Variants in TRMT9B observed in about 807,000 individuals in gnomAD.
TRMT9B encodes probable tRNA methyltransferase 9B.
Under a neutral mutation model 11.5 loss-of-function variants are expected in TRMT9B, and 16 were observed. The ratio of observed to expected loss-of-function variants is 1.39; its 90% CI spans 0.94 to 2.11. The LOEUF (loss-of-function observed/expected upper bound fraction) is 2.11, where lower values mean the gene tolerates loss of function less well. TRMT9B is among the 30% of genes most tolerant of loss of function. The probability of loss-of-function intolerance (pLI) is 0.00; values close to 1 mark genes in which losing one functional copy is unlikely to be tolerated. For missense variants in TRMT9B, 941 were observed against 553.8 expected (o/e 1.70, Z -7.02); for synonymous variants, 274 against 192.4 (o/e 1.42, Z -3.51).
rs750378166 is a variant in TRMT9B at position 13,021,773 on chromosome 8, T to C, written c.1094T>C (p.Ile365Thr). Residue 365 changes from isoleucine to threonine, a missense_variant, in exon 5 of 5, where the codon ATA (isoleucine) becomes ACA (threonine). By Grantham distance (89) the Ile-to-Thr change is moderately conservative (BLOSUM62 -1). Coordinates refer to ENST00000524591, the MANE Select transcript of TRMT9B (RefSeq NM_020844.3). Reference protein sequence around the residue: ...TGVNCVDAGNIEDDNPSASKI... With the variant: ...TGVNCVDAGNTEDDNPSASKI... ...GTGAATTGTGTGGATGCAGGCAACATAGAAGATGATAATCCTTCTGCTAGT... is the reference window on the plus strand; with the variant it reads ...GTGAATTGTGTGGATGCAGGCAACACAGAAGATGATAATCCTTCTGCTAGT... The C allele has an allele frequency of 1.2e-5, 20 of 1,613,924 alleles. No individual in the cohort carries two copies. Among genetic ancestry groups the C allele is most frequent in the Admixed American group, 8.3e-5 (5 of 60,000 alleles).
chr8:12,964,554 A>G (rs1010568312), intron 1 of TRMT9B, among the ~76,000 whole-genome samples: 2 of 152,154 alleles, frequency 1.3e-5, no homozygotes, highest in African/African-American at 4.8e-5. Flanking sequence ...AACTCTAAAT[A>G]ATTGCTTTTT....
chr8:12,994,640 A>T (rs539800758), intron 2 of TRMT9B, among the ~76,000 whole-genome samples: 5 of 152,326 alleles, frequency 3.3e-5, no homozygotes, highest in African/African-American at 1.2e-4. Flanking sequence ...CCTTGAATTG[A>T]TTCTTCTTGC....
At position 13,024,718 on chromosome 8, in the gene TRMT9B, A is replaced by C. The variant is rs999794324; in HGVS notation, c.*2674A>C. On this transcript the variant is annotated 3_prime_UTR_variant, in exon 5 of 5. Coordinates refer to ENST00000524591, the MANE Select transcript of TRMT9B (RefSeq NM_020844.3). ...CGGTTCTTTGGAGAGAAATATTTTC[A>C]TGTACGTTTGACAGGGGTGTAAATA... 2 of 167,074 alleles carry C rather than the reference A, an allele frequency of 1.2e-5. No individual in the cohort carries two copies. 10.3% of individuals were successfully genotyped at this position (167,074 alleles called of 1,614,324 possible).
chr8:13,010,793 C>A, intron 3 of TRMT9B: 2 of 982,414 alleles, frequency 2.0e-6, no homozygotes, highest in South Asian at 9.4e-5. Context: ...ATAGGACCAT[C>A]GTCTTTTGAA....
rs187077254 is a variant in TRMT9B, at chr8:13,011,489, C to T, written c.155-1195C>T. ...AGGTAGAAAAATTTCATCAGTAATG[C>T]CAATAAGTACAAATATAGGCTCTAA... On this transcript the variant is annotated intron_variant, in intron 3 of 4. Transcript: ENST00000524591. 406 of 978,690 alleles carry T rather than the reference C, an allele frequency of 4.1e-4. 2 individuals are homozygous for T. The African/African-American group carries it at 4.8e-3, about 12-fold the overall frequency. 60.6% of individuals were successfully genotyped at this position (978,690 alleles called of 1,614,324 possible).
At chr8:12,965,515 G>C (rs1051321920) in intron 1 of TRMT9B, among the ~76,000 whole-genome samples, 1 of 152,132 alleles carries the variant, frequency 6.6e-6, no homozygotes, top group Non-Finnish European at 1.5e-5. Context: ...GTCAGTACAG[G>C]ATGTCACCAA....
intron 1 of TRMT9B, chr8:12,951,284 A>G (rs528995506): frequency 7.9e-5 from 12 of 152,444 alleles, no homozygotes; most frequent in East Asian, 5.8e-4. Flanking sequence ...AGTTATCCCA[A>G]TGAACCGACC....
intron 1 of TRMT9B, chr8:12,970,238 A>T (rs898922980): frequency 2.0e-5 from 3 of 152,260 alleles, no homozygotes; most frequent in Non-Finnish European, 2.9e-5. Flanking sequence ...ATCTGTTGTT[A>T]TTAAACAGAC....
intron 2 of TRMT9B, among the ~76,000 whole-genome samples, chr8:12,999,019 G>A (rs906992619): frequency 6.6e-6 from 1 of 152,068 alleles, no homozygotes; most frequent in African/African-American, 2.4e-5. Flanking sequence ...ATTGTTCAGG[G>A]GCTGGGCGCA....
rs1391894325 is a variant in TRMT9B, at chr8:13,024,938, A to T, written c.*2894A>T. The T allele has an allele frequency of 6.0e-6, 1 of 167,058 alleles. No homozygotes were observed. The highest frequency in any genetic ancestry group is 1.5e-5 in the Non-Finnish European group (1 of 68,122). 10.3% of individuals were successfully genotyped at this position (167,058 alleles called of 1,614,324 possible). A position where few individuals can be genotyped will look rare whatever the true frequency, so the allele number is the denominator to read the frequency against. Reference sequence around the variant, plus strand: ...AAAAAGCCATTGAAGAGCAAAACTAATGTAAACGTCTTGATCATTTAAAAA... The same window carrying T: ...AAAAAGCCATTGAAGAGCAAAACTATTGTAAACGTCTTGATCATTTAAAAA... On this transcript the variant is annotated 3_prime_UTR_variant, in exon 5 of 5. Transcript: ENST00000524591.
Position 12,946,659 on chromosome 8 carries a change from G to A in TRMT9B, c.-200+693G>A, listed in dbSNP as rs113239926. On this transcript the variant is annotated intron_variant, in intron 1 of 4. Coordinates refer to ENST00000524591, the MANE Select transcript of TRMT9B (RefSeq NM_020844.3). ...CAGAATTTTGAGAAATCTACACAGC[G>A]TTTTTCCTTGCAGTTAGAAAGGTGG... 2.6e-3 allele frequency among the ~76,000 whole-genome samples: 393 copies of A among 152,304 alleles called. 2 individuals are homozygous for A. Among genetic ancestry groups the A allele is most frequent in the African/African-American group, 8.9e-3 (369 of 41,548 alleles).
intron 3 of TRMT9B, chr8:13,010,544 A>C: frequency 1.0e-6 from 1 of 985,006 alleles, no homozygotes; most frequent in Non-Finnish European, 1.2e-6. Context: ...TTAAACATGA[A>C]GGCCATTAGA....
intron 2 of TRMT9B, among the ~76,000 whole-genome samples, chr8:12,991,934 A>AAAC (rs956159528): frequency 2.6e-5 from 4 of 152,176 alleles, no homozygotes; most frequent in East Asian, 3.9e-4. Context: ...TCTGTCTCAA[A>AAAC]AACAACAACA....
At chr8:12,980,886 C>G (rs1003602771) in intron 1 of TRMT9B, among the ~76,000 whole-genome samples, 1 of 152,130 alleles carries the variant, frequency 6.6e-6, no homozygotes, top group Admixed American at 6.5e-5. Flanking sequence ...AGATAAGGAG[C>G]TTGTGCTGAA....
Position 13,025,033 on chromosome 8 carries a change from C to T in TRMT9B, c.*2989C>T, listed in dbSNP as rs1814522215. 1 of 167,046 alleles carries T rather than the reference C, an allele frequency of 6.0e-6. No individual in the cohort carries two copies. The highest frequency in any genetic ancestry group is 2.4e-5 in the African/African-American group (1 of 41,434). 10.3% of individuals were successfully genotyped at this position (167,046 alleles called of 1,614,324 possible). A position where few individuals can be genotyped will look rare whatever the true frequency, so the allele number is the denominator to read the frequency against. ...AACGTAGACAGTTGATTTGTGAATG[C>T]TGTCGGCCTCAACTTGCTTGATGAT... is the stretch of plus-strand genomic sequence containing the variant. On this transcript the variant is annotated 3_prime_UTR_variant, in exon 5 of 5. Transcript: ENST00000524591.
At chr8:13,016,648 G>T (rs1812767981) in intron 4 of TRMT9B, among the ~76,000 whole-genome samples, 1 of 151,478 alleles carries the variant, frequency 6.6e-6, no homozygotes, top group South Asian at 2.1e-4. Context: ...ACTTACTTTT[G>T]GAATAGTCTG....
chr8:12,979,808 A>T (rs1805059972), intron 1 of TRMT9B, among the ~76,000 whole-genome samples: 1 of 152,216 alleles, frequency 6.6e-6, no homozygotes, highest in Non-Finnish European at 1.5e-5. Context: ...ATTGCAGGCA[A>T]CAGAAAGGAA....
At chr8:12,954,312 A>G (rs997881317) in intron 1 of TRMT9B, among the ~76,000 whole-genome samples, 2 of 152,262 alleles carry the variant, frequency 1.3e-5, no homozygotes, top group Non-Finnish European at 2.9e-5. Context: ...TAAAGAATTT[A>G]TATGCTCCTT....
chr8:12,952,276 C>G (rs893299735), intron 1 of TRMT9B: 1 of 398,028 alleles, frequency 2.5e-6, no homozygotes, highest in African/African-American at 2.1e-5. Flanking sequence ...TCCGCTGCCT[C>G]GGCGCCCGCC....
Sources: gnomAD v4.1 joint callset for allele counts (sites outside exome capture counted in the v4.1 genomes callset) on GRCh38, gnomAD v4.1.1 for gene constraint, MANE v1.5 for transcripts, NCBI Gene and HGNC (gene_info 2026-07-23, HGNC 2026-07-21) for gene names.